The following PIEZO2 variants were observed in gnomAD, a reference collection of about 807,000 sequenced individuals.
PIEZO2 encodes the protein piezo-type mechanosensitive ion channel component 2.
A neutral mutation model predicts 337.3 loss-of-function variants in PIEZO2; 172 were observed. That is an observed-to-expected ratio of 0.51 (90% CI 0.45 to 0.58). The LOEUF (loss-of-function observed/expected upper bound fraction) is 0.58, where lower values mean the gene tolerates loss of function less well. Among genes scored for constraint, PIEZO2 ranks in the 20% least tolerant of loss-of-function variants. The pLI is 0.00. For synonymous variants in PIEZO2, 1,251 were observed against 1,228.5 expected (o/e 1.02, Z -0.38); for missense variants, 3,028 against 3,391.3 (o/e 0.89, Z 2.66).
At chr18:10,706,718 C>G (rs533527442) in intron 40 of PIEZO2, among the ~76,000 whole-genome samples, 4 of 152,338 alleles carry the variant, frequency 2.6e-5, no homozygotes, top group African/African-American at 9.6e-5. Flanking sequence ...GACAAGAGGG[C>G]AGCCAGTGAC....
In PIEZO2 at chr18:10,759,270, T is replaced by C. The variant is rs928621802; in HGVS notation, c.3757+212A>G. 2.0e-5 allele frequency among the ~76,000 whole-genome samples: 3 copies of C among 152,018 alleles called. No homozygotes were observed. The highest frequency in any genetic ancestry group is 7.3e-5 in the African/African-American group (3 of 41,372). On this transcript the variant is annotated intron_variant, in intron 26 of 55. Coordinates refer to ENST00000674853, the MANE Select transcript of PIEZO2 (RefSeq NM_001378183.1). This position sits in a 1 kb window ranked among gnomAD's most constrained non-coding sequence, Gnocchi z 5.5. The stretch of plus-strand genomic sequence containing the variant: ...GGGGAAGTGAAATTATGCAAGTGAA[T>C]ATGGCATTTCCAACACTGATTTATT...
intron 5 of PIEZO2, among the ~76,000 whole-genome samples, chr18:10,858,330 A>ACCCC (rs1322740075): frequency 1.5e-5 from 2 of 137,090 alleles, no homozygotes; most frequent in African/African-American, 5.8e-5. Context: ...CCAAAAAAAA[A>ACCCC]AAAAAAAAAA....
chr18:10,842,084 G>A (rs1418918329), intron 7 of PIEZO2, among the ~76,000 whole-genome samples: 1 of 151,552 alleles, frequency 6.6e-6, no homozygotes, highest in Non-Finnish European at 1.5e-5. Flanking sequence ...TGGAGGTGGA[G>A]GCTGCAGTGA....
chr18:10,906,721 T>C (rs9944664), intron 4 of PIEZO2, among the ~76,000 whole-genome samples: 142,094 of 152,134 alleles, frequency 0.93, 66,415 homozygotes, highest in East Asian at 1. Context: ...CCGCCACGCC[T>C]GGCTAATTTT....
intron 7 of PIEZO2, among the ~76,000 whole-genome samples, chr18:10,812,270 G>T (rs1024489950): frequency 6.6e-6 from 1 of 152,152 alleles, no homozygotes; most frequent in Admixed American, 6.5e-5. Context: ...AGACTACTAC[G>T]AATAAAAATT....
intron 3 of PIEZO2, among the ~76,000 whole-genome samples, chr18:10,926,311 G>C (rs955670896): frequency 2.6e-5 from 4 of 152,186 alleles, no homozygotes; most frequent in Admixed American, 1.3e-4. Context: ...CATCGCCCAT[G>C]GTAGGAGTAT....
chr18:10,866,585 G>A (rs964806851), intron 5 of PIEZO2, among the ~76,000 whole-genome samples: 15 of 152,044 alleles, frequency 9.9e-5, no homozygotes, highest in African/African-American at 1.7e-4. Flanking sequence ...ACACTTGGCC[G>A]CCTTTGTATG....
chr18:11,085,999 G>A (rs988454539), intron 1 of PIEZO2, among the ~76,000 whole-genome samples: 4 of 151,992 alleles, frequency 2.6e-5, no homozygotes, highest in African/African-American at 9.7e-5. Flanking sequence ...TTCCAGCATC[G>A]AGTACAATAT....
At position 10,766,327 on chromosome 18, in the gene PIEZO2, G is replaced by A. The variant is rs147094565; in HGVS notation, c.2947-3229C>T. Among the ~76,000 whole-genome samples the A allele has an allele frequency of 1.3e-5, 2 of 152,086 alleles. No individual in the cohort carries two copies. Among genetic ancestry groups the A allele is most frequent in the African/African-American group, 4.8e-5 (2 of 41,500 alleles). On this transcript the variant is annotated intron_variant, in intron 21 of 55. Transcript: ENST00000674853. This position sits in a 1 kb window ranked among gnomAD's most constrained non-coding sequence, Gnocchi z 6.1. ...AGGGGAAGGGGAAGGAGAAGTAGGAGGAGAAGGAGGAGGAGGAGGACAATG... is the reference window on the plus strand; with the variant it reads ...AGGGGAAGGGGAAGGAGAAGTAGGAAGAGAAGGAGGAGGAGGAGGACAATG...
chr18:10,682,349 C>G lies in PIEZO2; in HGVS notation c.7498-57G>C. The G allele has an allele frequency of 6.9e-7, 1 of 1,450,538 alleles. No homozygotes were observed. The highest frequency in any genetic ancestry group is 9.2e-7 in the Non-Finnish European group (1 of 1,085,216). The allele number at this position is 1,450,538 out of a possible 1,614,324, so 89.9% of individuals were successfully genotyped here. A position where few individuals can be genotyped will look rare whatever the true frequency, so the allele number is the denominator to read the frequency against. ...TCAGGCTCAGGTGCTTTCCCGCAGG[C>G]AGCGGGATTGGGGGAGAGCGAGTGC... On this transcript the variant is annotated intron_variant, in intron 49 of 55. Coordinates refer to ENST00000674853, the MANE Select transcript of PIEZO2 (RefSeq NM_001378183.1). This position sits in a 1 kb window ranked among gnomAD's most constrained non-coding sequence, Gnocchi z 5.6.
intron 7 of PIEZO2, among the ~76,000 whole-genome samples, chr18:10,810,671 G>A (rs1390973730): frequency 6.6e-6 from 1 of 152,154 alleles, no homozygotes; most frequent in Non-Finnish European, 1.5e-5. Flanking sequence ...TCCCTTTGGT[G>A]TTGCTATTCC....
At chr18:11,133,020 G>C (rs2040382673) in intron 1 of PIEZO2, among the ~76,000 whole-genome samples, 1 of 152,152 alleles carries the variant, frequency 6.6e-6, no homozygotes, top group East Asian at 1.9e-4. Context: ...GAAGGCAAAG[G>C]GGATACAGAA....
rs1341000750 is a variant in PIEZO2 at position 10,708,384 on chromosome 18, C to A, written c.5479G>T (p.Asp1827Tyr). 6.5e-6 allele frequency: 1 copy of A among 152,682 alleles called. No individual in the cohort carries two copies. The highest frequency in any genetic ancestry group is 2.4e-5 in the African/African-American group (1 of 41,464). 9.5% of individuals were successfully genotyped at this position (152,682 alleles called of 1,614,324 possible). The change falls in exon 40 of 56, where the codon GAT becomes TAT. Residue 1827 changes from aspartate to tyrosine, a missense_variant. By Grantham distance (160) the Asp-to-Tyr change is radical. Transcript: ENST00000674853. ...FSRQSTLDDL[D>Y]GQEIPKTSER... ...CTTGTTTTAGGAATTTCTTGTCCATCTAAATCATCAAGGGTGGACTGCCTT... is the reference window on the plus strand; with the variant it reads ...CTTGTTTTAGGAATTTCTTGTCCATATAAATCATCAAGGGTGGACTGCCTT...
intron 16 of PIEZO2, among the ~76,000 whole-genome samples, chr18:10,786,478 A>T (rs2039229024): frequency 6.6e-6 from 1 of 152,316 alleles, no homozygotes; most frequent in East Asian, 1.9e-4. Context: ...CCACATCAAT[A>T]TATTCAGCTC....
chr18:11,141,547 A>G (rs2040647728), intron 1 of PIEZO2, among the ~76,000 whole-genome samples: 1 of 151,676 alleles, frequency 6.6e-6, no homozygotes. Flanking sequence ...ATGAAAACTT[A>G]AGGGCAAAAC....
Position 10,705,469 on chromosome 18 carries a change from C to T in PIEZO2, c.5866G>A (p.Gly1956Ser). 3.9e-6 allele frequency: 6 copies of T among 1,537,248 alleles called. No individual in the cohort carries two copies. The highest frequency in any genetic ancestry group is 1.2e-5 in the South Asian group (1 of 84,058). Residue 1956 changes from glycine (G) to serine (S), a missense_variant, in exon 41 of 56, where the codon GGC becomes AGC. By Grantham distance (56) the Gly-to-Ser change is moderately conservative (BLOSUM62 0). This residue lies in a region of PIEZO2 where 1,925 missense variants were observed against 2,051.9 expected (regional missense o/e 0.94). Transcript: ENST00000674853. ...TTGCCTGCAGAGTCGTCCTGCGAGC[C>T]GAAGGACAGATGCTCGAAGCTCACA... ...KAVSFEHLSF[G>S]SQDDSAGKNR...
rs1357441519 is a variant in PIEZO2 at position 10,724,659 on chromosome 18, C to A, written c.5030-6400G>T. ...GGTCTCAGGCGTATGATCAGGCACC[C>A]ACCAGCCCACCTACCAGTCTGCTGT... On this transcript the variant is annotated intron_variant, in intron 36 of 55. Coordinates refer to ENST00000674853, the MANE Select transcript of PIEZO2 (RefSeq NM_001378183.1). The surrounding 1 kb of genome is among the most constrained non-coding windows in gnomAD (Gnocchi z 5.8). 24 of 838,362 alleles carry A rather than the reference C, an allele frequency of 2.9e-5. No individual in the cohort carries two copies. The South Asian group carries it at 3.1e-4, about 11-fold the overall frequency. The allele number at this position is 838,362 out of a possible 1,614,324, so 51.9% of individuals were successfully genotyped here.
chr18:10,702,281 T>G lies in PIEZO2; in HGVS notation c.6259-110A>C. 2 of 1,046,952 alleles carry G rather than the reference T, an allele frequency of 1.9e-6. 1 individual carries two copies. The highest frequency in any genetic ancestry group is 3.3e-5 in the South Asian group (2 of 61,534). 64.9% of individuals were successfully genotyped at this position (1,046,952 alleles called of 1,614,324 possible). A position where few individuals can be genotyped will look rare whatever the true frequency, so the allele number is the denominator to read the frequency against. ...TAAGAAAGAGACCCGCATTTCACAG[T>G]TTTGATGGTAGGCAGGCACATAATT... On this transcript the variant is annotated intron_variant, in intron 42 of 55. Transcript: ENST00000674853.
chr18:10,925,166 G>A (rs550303965), intron 3 of PIEZO2, among the ~76,000 whole-genome samples: 85 of 152,294 alleles, frequency 5.6e-4, no homozygotes, highest in Admixed American at 1.6e-3. Flanking sequence ...ATTGTTAAAT[G>A]TATGTAGAAA....
Sources: allele counts gnomAD v4.1 joint callset (sites outside exome capture counted in the v4.1 genomes callset), GRCh38; gene constraint gnomAD v4.1.1; regional missense constraint gnomAD v4.1.1; non-coding constraint Gnocchi (gnomAD v3.1); transcripts MANE v1.5; gene names NCBI Gene and HGNC (gene_info 2026-07-23, HGNC 2026-07-21).